COP1: variants seen among roughly 807,000 people sequenced by gnomAD.
The protein encoded by COP1 is COP1 E3 ubiquitin ligase.
A neutral mutation model predicts 101.3 loss-of-function variants in COP1; 24 were observed. That is an observed-to-expected ratio of 0.24 (90% confidence interval 0.17 to 0.33). COP1 has a LOEUF of 0.33. Ranked by LOEUF, COP1 falls within the 10% of genes least tolerant of loss-of-function variation. The pLI, the probability that COP1 is intolerant of heterozygous loss-of-function variation, is 1.00. For missense variants in COP1, 663 were observed against 906.2 expected, an observed-to-expected ratio of 0.73 and a Z score of 3.45; for synonymous variants, 347 against 341.9, an observed-to-expected ratio of 1.01 and a Z score of -0.17.
intron 17 of COP1, among the ~76,000 whole-genome samples, chr1:175,987,362 T>C (rs1253257457): frequency 6.6e-6 from 1 of 152,188 alleles, no homozygotes; most frequent in Admixed American, 6.5e-5. Context: ...AATTACCCTA[T>C]AAAATCATTT....
In COP1 at chr1:176,086,016, A is replaced by G; in HGVS notation, c.1027-126T>C. The G allele has an allele frequency of 6.1e-6, 3 of 492,040 alleles. No individual in the cohort carries two copies. The South Asian group carries it at 1.6e-4, about 25-fold the overall frequency. 30.5% of individuals were successfully genotyped at this position (492,040 alleles called of 1,614,324 possible). Reference sequence around the variant, plus strand: ...AGTAAAATGATCACAAATAGTAAAAAACTGTAATTCTGAGATATTTTCCAA... The same window carrying G: ...AGTAAAATGATCACAAATAGTAAAAGACTGTAATTCTGAGATATTTTCCAA... On this transcript the variant is annotated intron_variant, in intron 9 of 19. Coordinates refer to ENST00000367669, the MANE Select transcript of COP1 (RefSeq NM_022457.7).
intron 14 of COP1, among the ~76,000 whole-genome samples, chr1:176,029,280 G>A (rs2149083688): frequency 6.6e-6 from 1 of 152,176 alleles, no homozygotes; most frequent in Middle Eastern, 3.4e-3. Context: ...TTTTGGTTTT[G>A]TATTTGAATA....
At chr1:176,118,057 T>C (rs1686503744) in intron 8 of COP1, among the ~76,000 whole-genome samples, 1 of 152,208 alleles carries the variant, frequency 6.6e-6, no homozygotes, top group Non-Finnish European at 1.5e-5. Context: ...GGTTAAAGCA[T>C]GGGAGGTACT....
chr1:176,166,317 G>C (rs1013454267), intron 3 of COP1, among the ~76,000 whole-genome samples: 1 of 152,076 alleles, frequency 6.6e-6, no homozygotes. Context: ...TATAGAGACA[G>C]GGTTTCACCA....
At chr1:176,005,098 G>C (rs960900976) in intron 15 of COP1, among the ~76,000 whole-genome samples, 1 of 152,124 alleles carries the variant, frequency 6.6e-6, no homozygotes, top group Non-Finnish European at 1.5e-5. Flanking sequence ...TATGTGTCGA[G>C]GAATTTATCC....
intron 11 of COP1, among the ~76,000 whole-genome samples, chr1:176,076,003 C>CAAA (rs60998287): frequency 0.036 from 3,496 of 96,368 alleles, 124 homozygotes; most frequent in Non-Finnish European, 0.043. Flanking sequence ...AACTCCATCT[C>CAAA]AAAAAAAAAA....
intron 15 of COP1, among the ~76,000 whole-genome samples, chr1:176,002,766 T>C (rs1662044400): frequency 1.3e-5 from 2 of 149,534 alleles, no homozygotes; most frequent in Non-Finnish European, 3.0e-5. Context: ...TTGTTGGACA[T>C]TTGGGTTGGT....
intron 18 of COP1, among the ~76,000 whole-genome samples, chr1:175,964,385 C>T (rs996729356): frequency 6.6e-6 from 1 of 151,418 alleles, no homozygotes; most frequent in Non-Finnish European, 1.5e-5. Context: ...AAAACAACTT[C>T]ATGACAAAGG....
intron 6 of COP1, among the ~76,000 whole-genome samples, chr1:176,142,095 T>TA (rs1409990819): frequency 6.6e-6 from 1 of 151,976 alleles, no homozygotes; most frequent in Non-Finnish European, 1.5e-5. Flanking sequence ...AAATAAATGA[T>TA]AGAGTAGTGA....
intron 9 of COP1, among the ~76,000 whole-genome samples, chr1:176,096,285 G>C (rs567898907): frequency 6.6e-6 from 1 of 152,070 alleles, no homozygotes; most frequent in East Asian, 1.9e-4. Flanking sequence ...TTTCAGGACA[G>C]TAACAGCACC....
rs1057127092 is a variant in COP1, at chr1:175,969,471, A to G, written c.2133+17472T>C. 2.6e-5 allele frequency among the ~76,000 whole-genome samples: 4 copies of G among 152,184 alleles called. No individual in the cohort carries two copies. In the East Asian group the frequency reaches 5.8e-4, roughly 22 times the overall value. ...AGGAAAGGAATGCCCTTATCTCTGG[A>G]GACAGAGACACAGAGAAGAAGCTCA... On this transcript the variant is annotated intron_variant, in intron 18 of 19. Coordinates refer to ENST00000367669, the MANE Select transcript of COP1 (RefSeq NM_022457.7).
intron 15 of COP1, among the ~76,000 whole-genome samples, chr1:176,005,372 G>A (rs1424312570): frequency 3.3e-5 from 5 of 152,008 alleles, no homozygotes; most frequent in African/African-American, 4.8e-5. Flanking sequence ...TCTGATTTTA[G>A]TTATTTTTTG....
intron 8 of COP1, among the ~76,000 whole-genome samples, chr1:176,132,396 G>A (rs565538126): frequency 4.0e-5 from 6 of 151,816 alleles, no homozygotes; most frequent in African/African-American, 1.4e-4. Flanking sequence ...AGGTAGTGCA[G>A]TCATGCATCA....
intron 3 of COP1, among the ~76,000 whole-genome samples, chr1:176,167,651 TAC>T (rs943093990): frequency 1.3e-5 from 2 of 151,292 alleles, no homozygotes; most frequent in African/African-American, 4.9e-5. Context: ...CATTTCTTAG[TAC>T]AAAAAAAAAT....
chr1:176,190,778 C>A (rs1337000055), intron 1 of COP1, among the ~76,000 whole-genome samples: 1 of 151,858 alleles, frequency 6.6e-6, no homozygotes, highest in Non-Finnish European at 1.5e-5. Flanking sequence ...AACTGTCCAA[C>A]AAACTAATAT....
chr1:176,040,208 C>T (rs1670274642), intron 14 of COP1, among the ~76,000 whole-genome samples: 1 of 152,094 alleles, frequency 6.6e-6, no homozygotes. Flanking sequence ...AATTCAAGGA[C>T]AATTTTTCTT....
intron 15 of COP1, among the ~76,000 whole-genome samples, chr1:176,008,314 C>G (rs544870189): frequency 2.0e-5 from 3 of 152,202 alleles, no homozygotes; most frequent in Non-Finnish European, 4.4e-5. Context: ...CTGCGTTGCT[C>G]ATGCTGGGAG....
intron 1 of COP1, 140 bp from the exon 2 acceptor site, chr1:176,184,832 G>A: frequency 1.8e-6 from 1 of 547,316 alleles, no homozygotes; most frequent in Non-Finnish European, 3.2e-6. Context: ...ATCAATAAGA[G>A]ATGAAATTTC....
intron 18 of COP1, among the ~76,000 whole-genome samples, chr1:175,949,121 C>G (rs553284049): frequency 7.3e-6 from 1 of 137,152 alleles, no homozygotes; most frequent in African/African-American, 2.7e-5. Flanking sequence ...AAAGATTGCA[C>G]CACTGCACTC....
Sources: allele counts gnomAD v4.1 joint callset (sites outside exome capture counted in the v4.1 genomes callset), GRCh38; gene constraint gnomAD v4.1.1; transcripts MANE v1.5; gene names NCBI Gene and HGNC (gene_info 2026-07-23, HGNC 2026-07-21).